The following LOX variants were observed in gnomAD, a reference collection of about 807,000 sequenced individuals.
LOX encodes lysyl oxidase.
LOX carries 12 observed loss-of-function variants against 50.5 expected under a neutral mutation model. The ratio of observed to expected loss-of-function variants is 0.24; its 90% CI spans 0.15 to 0.38. The LOEUF (loss-of-function observed/expected upper bound fraction) is 0.38, where lower values mean the gene tolerates loss of function less well. Ranked by LOEUF, LOX falls within the 10% of genes least tolerant of loss-of-function variation. The pLI is 1.00. For missense variants in LOX, 504 were observed against 563.8 expected (o/e 0.89, Z 1.07); for synonymous variants, 254 against 230.6 (o/e 1.10, Z -0.92).
rs766969559 is a variant in LOX, at chr5:122,077,541, C to T, written c.445G>A (p.Gly149Arg). 3 of 1,613,592 alleles carry T rather than the reference C, an allele frequency of 1.9e-6. No homozygotes were observed. Among genetic ancestry groups the T allele is most frequent in the Non-Finnish European group, 2.5e-6 (3 of 1,179,962 alleles). ...ASRAENQTAP[G>R]EVPALSNLRP... ...AGGTTACTGAGCGCAGGAACTTCTCCCGGCGCTGTCTGGTTCTCCGCGCGC... is the reference window on the plus strand; with the variant it reads ...AGGTTACTGAGCGCAGGAACTTCTCTCGGCGCTGTCTGGTTCTCCGCGCGC... The change falls in exon 1 of 7, where the codon GGA becomes AGA. Residue 149 changes from glycine (G) to arginine (R), a missense_variant. Physicochemically the swap from Gly to Arg is moderately radical, Grantham distance 125. Coordinates refer to ENST00000231004, the MANE Select transcript of LOX (RefSeq NM_002317.7). The surrounding 1 kb of genome is among the most constrained non-coding windows in gnomAD (Gnocchi z 4.9).
intron 6 of LOX, among the ~76,000 whole-genome samples, chr5:122,069,360 T>A (rs1313038174): frequency 6.6e-6 from 1 of 152,036 alleles, no homozygotes; most frequent in African/African-American, 2.4e-5. Flanking sequence ...CCAGCAACAC[T>A]TGGGGAGGTA....
chr5:122,073,623 C>T (rs1170033558), intron 4 of LOX, among the ~76,000 whole-genome samples: 2 of 152,160 alleles, frequency 1.3e-5, no homozygotes, highest in African/African-American at 4.8e-5. Flanking sequence ...GTCAACCATT[C>T]AGACTTTTTC....
chr5:122,070,605 T>C lies in LOX; in HGVS notation c.1036-16A>G. ...GACTCAATCCCTAAGATAAACAAAA[T>C]AAAAAATTTAAAATTATGGTATGTG... On this transcript the variant is annotated splice_polypyrimidine_tract_variant and intron_variant, in intron 4 of 6. Transcript: ENST00000231004. 7.2e-7 allele frequency: 1 copy of C among 1,386,114 alleles called. No individual in the cohort carries two copies. The highest frequency in any genetic ancestry group is 1.0e-6 in the Non-Finnish European group (1 of 986,042). 85.9% of individuals were successfully genotyped at this position (1,386,114 alleles called of 1,614,324 possible). A position where few individuals can be genotyped will look rare whatever the true frequency, so the allele number is the denominator to read the frequency against.
rs774377726 is a variant in LOX, at chr5:122,065,582, G to A, written c.*1161C>T. ...CAACCCCTCAAGTATGTAATACTAT[G>A]TGCTTTGCTAATTTAGACTATATCT... On this transcript the variant is annotated 3_prime_UTR_variant, in exon 7 of 7. Coordinates refer to ENST00000231004, the MANE Select transcript of LOX (RefSeq NM_002317.7). 6.6e-6 allele frequency: 1 copy of A among 151,986 alleles called. No homozygotes were observed. Among genetic ancestry groups the A allele is most frequent in the Non-Finnish European group, 1.5e-5 (1 of 67,968 alleles). 9.4% of individuals were successfully genotyped at this position (151,986 alleles called of 1,614,324 possible).
At chr5:122,075,880 A>G (rs903248829) in intron 2 of LOX, 3 of 159,562 alleles carry the variant, frequency 1.9e-5, no homozygotes, top group African/African-American at 7.2e-5. Flanking sequence ...GATCATATGA[A>G]TGAGTGAAAC....
chr5:122,069,991 T>A (rs1470043885), intron 6 of LOX, 62 bp downstream of exon 6: 2 of 1,158,558 alleles, frequency 1.7e-6, no homozygotes, highest in Admixed American at 1.7e-5. Flanking sequence ...CTATGTATAA[T>A]GTTTGGCATG....
intron 5 of LOX, 102 bp from the exon 6 acceptor site, chr5:122,070,270 A>C: frequency 2.7e-6 from 2 of 743,592 alleles, no homozygotes; most frequent in South Asian, 3.3e-5. Flanking sequence ...AAGGGATTTT[A>C]ACTTAAGTAA....
Position 122,070,375 on chromosome 5 carries a change from T to C in LOX, c.1131+119A>G, listed in dbSNP as rs544122271. 257 of 655,980 alleles carry C rather than the reference T, an allele frequency of 3.9e-4. 2 individuals carry two copies. Among genetic ancestry groups the C allele is most frequent in the Non-Finnish European group, 6.4e-4 (240 of 373,644 alleles). The allele number at this position is 655,980 out of a possible 1,614,324, so 40.6% of individuals were successfully genotyped here. A position where few individuals can be genotyped will look rare whatever the true frequency, so the allele number is the denominator to read the frequency against. ...AGATTAGATTAGATTAGATTGTTTA[T>C]AAATAGTTTGAGGATGTATAATTGC... On this transcript the variant is annotated intron_variant, in intron 5 of 6. Coordinates refer to ENST00000231004, the MANE Select transcript of LOX (RefSeq NM_002317.7).
chr5:122,072,552 T>C (rs1009537768), intron 4 of LOX, among the ~76,000 whole-genome samples: 1 of 152,196 alleles, frequency 6.6e-6, no homozygotes, highest in African/African-American at 2.4e-5. Context: ...ATACCTAGTT[T>C]TATGCTTGAA....
At chr5:122,072,352 C>T (rs1273490904) in intron 4 of LOX, among the ~76,000 whole-genome samples, 2 of 152,166 alleles carry the variant, frequency 1.3e-5, no homozygotes, top group Non-Finnish European at 2.9e-5. Context: ...AATATAAAAA[C>T]AGATTCAATG....
Position 122,065,378 on chromosome 5 carries a change from A to G in LOX, c.*1365T>C, listed in dbSNP as rs575674744. The G allele has an allele frequency of 6.6e-6, 1 of 152,128 alleles. No homozygotes were observed. Among genetic ancestry groups the G allele is most frequent in the South Asian group, 2.1e-4 (1 of 4,830 alleles). 9.4% of individuals were successfully genotyped at this position (152,128 alleles called of 1,614,324 possible). A position where few individuals can be genotyped will look rare whatever the true frequency, so the allele number is the denominator to read the frequency against. On this transcript the variant is annotated 3_prime_UTR_variant, in exon 7 of 7. Transcript: ENST00000231004. ...TTTAATACTGGTTAATATAGGAAAA[A>G]TTATGCTTAAGCACCACTAACTTAA...
In LOX at chr5:122,070,502, T is replaced by G. The variant is rs1561417505; in HGVS notation, c.1123A>C (p.Ile375Leu). ...DITDVKPGNY[I>L]LKVSVNPSYL... ...TTTTCAAAGGTCTTTACCTTTAGGA[T>G]ATAGTTTCCAGGTTTTACATCTGTA... The change falls in exon 5 of 7, where the codon ATC becomes CTC. Residue 375 changes from isoleucine to leucine, a missense_variant. This residue lies in a region of LOX where 106 missense variants were observed against 198.1 expected (regional missense o/e 0.54). Transcript: ENST00000231004. The G allele has an allele frequency of 2.5e-6, 4 of 1,583,002 alleles. No individual in the cohort carries two copies. Among genetic ancestry groups the G allele is most frequent in the Non-Finnish European group, 3.5e-6 (4 of 1,153,572 alleles).
Position 122,066,713 on chromosome 5 carries a change from A to T in LOX, c.*30T>A, listed in dbSNP as rs763258297. ...TCCCACTTCAGAACACCAGGCACTG[A>T]TTTATCCATTGGGAGTTTTGCTTTG... On this transcript the variant is annotated 3_prime_UTR_variant, in exon 7 of 7. Coordinates refer to ENST00000231004, the MANE Select transcript of LOX (RefSeq NM_002317.7). 3 of 1,592,456 alleles carry T rather than the reference A, an allele frequency of 1.9e-6. No individual in the cohort carries two copies. The African/African-American group carries it at 4.0e-5, about 21-fold the overall frequency.
chr5:122,065,875 C>G lies in LOX; in HGVS notation c.*868G>C, dbSNP rs575816061. 6.6e-6 allele frequency: 1 copy of G among 151,952 alleles called. No individual in the cohort carries two copies. The highest frequency in any genetic ancestry group is 1.5e-5 in the Non-Finnish European group (1 of 67,970). 9.4% of individuals were successfully genotyped at this position (151,952 alleles called of 1,614,324 possible). ...TTTAATATGTTTAAATGCATTTTAC[C>G]TCTGGATGTATCACATCAGTCATCA... On this transcript the variant is annotated 3_prime_UTR_variant, in exon 7 of 7. Transcript: ENST00000231004.
At chr5:122,067,700 T>A (rs1754335701) in intron 6 of LOX, among the ~76,000 whole-genome samples, 2 of 152,132 alleles carry the variant, frequency 1.3e-5, no homozygotes, top group South Asian at 4.1e-4. Flanking sequence ...GTCCAACTCG[T>A]AACTCCACAA....
At position 122,077,067 on chromosome 5, in the gene LOX, C is replaced by A; in HGVS notation, c.632-66G>T. Reference sequence around the variant, plus strand: ...CGGCGCCCCCCGCTCCAACTCCCTACCCCTCTAGGTCCCTTACTCCTCACC... The same window carrying A: ...CGGCGCCCCCCGCTCCAACTCCCTAACCCTCTAGGTCCCTTACTCCTCACC... On this transcript the variant is annotated intron_variant, in intron 1 of 6. Coordinates refer to ENST00000231004, the MANE Select transcript of LOX (RefSeq NM_002317.7). This position sits in a 1 kb window ranked among gnomAD's most constrained non-coding sequence, Gnocchi z 4.9. The A allele has an allele frequency of 6.3e-7, 1 of 1,592,150 alleles. No homozygotes were observed. Among genetic ancestry groups the A allele is most frequent in the East Asian group, 2.2e-5 (1 of 44,718 alleles).
intron 2 of LOX, 108 bp from the exon 3 acceptor site, chr5:122,075,649 C>G (rs1754596588): frequency 1.4e-6 from 1 of 696,498 alleles, no homozygotes. Flanking sequence ...CCTTTCCCAA[C>G]TAGACTATCA....
Position 122,066,523 on chromosome 5 carries a change from T to G in LOX, c.*220A>C. 1 of 467,700 alleles carries G rather than the reference T, an allele frequency of 2.1e-6. No homozygotes were observed. Among genetic ancestry groups the G allele is most frequent in the Non-Finnish European group, 3.9e-6 (1 of 256,830 alleles). The allele number at this position is 467,700 out of a possible 1,614,324, so 29.0% of individuals were successfully genotyped here. A position where few individuals can be genotyped will look rare whatever the true frequency, so the allele number is the denominator to read the frequency against. ...TGAAACACTGTGTTAATTCACAAAGTGATGTAAATAATAAACATTAAAAAT... is the reference window on the plus strand; with the variant it reads ...TGAAACACTGTGTTAATTCACAAAGGGATGTAAATAATAAACATTAAAAAT... On this transcript the variant is annotated 3_prime_UTR_variant, in exon 7 of 7. Transcript: ENST00000231004.
At position 122,073,085 on chromosome 5, in the gene LOX, G is replaced by C. The variant is rs543540037; in HGVS notation, c.1035+928C>G. On this transcript the variant is annotated intron_variant, in intron 4 of 6. Transcript: ENST00000231004. ...GAGAAAAAAGCAATGGTAACATTTA[G>C]GTCACCAAACAGCTTCCTGCCACAG... Among the ~76,000 whole-genome samples the C allele has an allele frequency of 5.3e-5, 8 of 152,230 alleles. No individual in the cohort carries two copies. In the East Asian group the frequency reaches 1.5e-3, roughly 29 times the overall value.
Sources: gnomAD v4.1 joint callset for allele counts (sites outside exome capture counted in the v4.1 genomes callset) on GRCh38, gnomAD v4.1.1 for gene constraint, gnomAD v4.1.1 regional missense constraint, Gnocchi (gnomAD v3.1) non-coding constraint, MANE v1.5 for transcripts, NCBI Gene and HGNC (gene_info 2026-07-23, HGNC 2026-07-21) for gene names.